Variants in MDN1 observed in about 807,000 individuals in gnomAD.
The protein encoded by MDN1 is midasin.
MDN1 carries 266 observed loss-of-function variants against 669.2 expected under a neutral mutation model. The ratio of observed to expected loss-of-function variants is 0.40; its 90% CI spans 0.36 to 0.44. The LOEUF is 0.44. Ranked by LOEUF, MDN1 falls within the 20% of genes least tolerant of loss-of-function variation. MDN1 has a pLI of 1.00. For synonymous variants in MDN1, 2,385 were observed against 2,457.1 expected (o/e 0.97, Z 0.87); for missense variants, 5,940 against 6,754.0 (o/e 0.88, Z 4.22).
At chr6:89,700,398 C>G in intron 56 of MDN1, 104 bp from the exon 57 acceptor site, 1 of 904,754 alleles carries the variant, frequency 1.1e-6, no homozygotes, top group South Asian at 1.6e-5. Context: ...TTGAGCTAAT[C>G]AGAGTTAAGC....
intron 15 of MDN1, 109 bp downstream of exon 15, chr6:89,771,452 T>C: frequency 2.2e-6 from 2 of 927,776 alleles, no homozygotes; most frequent in Non-Finnish European, 3.3e-6. Flanking sequence ...ACTCTTTTTC[T>C]ATTGCATCGA....
rs939378645 is a variant in MDN1 at position 89,694,089 on chromosome 6, G to A, written c.9866C>T (p.Ser3289Phe). The A allele has an allele frequency of 6.2e-6, 10 of 1,613,900 alleles. No individual in the cohort carries two copies. Among genetic ancestry groups the A allele is most frequent in the Non-Finnish European group, 6.8e-6 (8 of 1,179,846 alleles). ...GCTGTGTTACCTGACGTGAGGATGAGAGTAGCTGACAACGACTTCATCTTC... is the reference window on the plus strand; with the variant it reads ...GCTGTGTTACCTGACGTGAGGATGAAAGTAGCTGACAACGACTTCATCTTC... ...DLEDEVVVSY[S>F]HPHVRLLRQR... The change falls in exon 62 of 102, where the codon TCT becomes TTT. Residue 3289 changes from serine to phenylalanine, a missense_variant. Physicochemically the swap from Ser to Phe is radical, Grantham distance 155. Coordinates refer to ENST00000369393, the MANE Select transcript of MDN1 (RefSeq NM_014611.3).
chr6:89,727,503 C>T (rs1490317136), intron 37 of MDN1, among the ~76,000 whole-genome samples: 1 of 152,048 alleles, frequency 6.6e-6, no homozygotes, highest in African/African-American at 2.4e-5. Context: ...AAACATGAAG[C>T]GGTTGACGCT....
chr6:89,667,146 G>T (rs1810312794), intron 84 of MDN1, among the ~76,000 whole-genome samples: 1 of 151,886 alleles, frequency 6.6e-6, no homozygotes. Context: ...AATGTTTTTT[G>T]TGTGAACTTT....
intron 83 of MDN1, among the ~76,000 whole-genome samples, chr6:89,670,141 T>C (rs1250857390): frequency 2.4e-5 from 1 of 42,200 alleles, no homozygotes; most frequent in Non-Finnish European, 3.4e-5. Context: ...CAAAAAAACA[T>C]ATATATATAT....
rs760680670 is a variant in MDN1, at chr6:89,743,723, G to A, written c.4179-9C>T. 7 of 1,612,462 alleles carry A rather than the reference G, an allele frequency of 4.3e-6. No individual in the cohort carries two copies. Among genetic ancestry groups the A allele is most frequent in the Non-Finnish European group, 5.9e-6 (7 of 1,179,322 alleles). On this transcript the variant is annotated splice_polypyrimidine_tract_variant and intron_variant, in intron 29 of 101. Coordinates refer to ENST00000369393, the MANE Select transcript of MDN1 (RefSeq NM_014611.3). ...TAGTAGTTTTCCCACACCTGTTAGA[G>A]ATGTGCAACTGATTAACAAGGCATG...
chr6:89,775,215 G>T (rs1187139231), intron 12 of MDN1, among the ~76,000 whole-genome samples: 1 of 152,184 alleles, frequency 6.6e-6, no homozygotes, highest in Non-Finnish European at 1.5e-5. Flanking sequence ...CACAGATTTT[G>T]TTCAGGTTTG....
rs759713234 is a variant in MDN1, at chr6:89,747,370, G to T, written c.3863C>A (p.Thr1288Asn). 2.5e-6 allele frequency: 4 copies of T among 1,613,928 alleles called. No homozygotes were observed. In the Admixed American group the frequency reaches 6.7e-5, roughly 27 times the overall value. ...CTGTAGCCAGTCATACTCCTTCTCG[G>T]TCGGCTCAGCCAATCTGTATCTTTC... is the stretch of plus-strand genomic sequence containing the variant. ...WAERYRLAEPTEKEYDWLQHL... is the reference protein window; with the variant it reads ...WAERYRLAEPNEKEYDWLQHL... The change falls in exon 27 of 102, where the codon ACC becomes AAC. Residue 1288 changes from threonine to asparagine, a missense_variant. Coordinates refer to ENST00000369393, the MANE Select transcript of MDN1 (RefSeq NM_014611.3).
At chr6:89,704,598 C>A (rs944604782) in intron 53 of MDN1, among the ~76,000 whole-genome samples, 7 of 152,092 alleles carry the variant, frequency 4.6e-5, no homozygotes, top group African/African-American at 7.2e-5. Flanking sequence ...AATGAATTTT[C>A]TTTTTTTAGA....
At chr6:89,759,100 G>T in intron 17 of MDN1, 140 bp from the exon 18 acceptor site, 3 of 764,856 alleles carry the variant, frequency 3.9e-6, no homozygotes, top group Non-Finnish European at 6.1e-6. Flanking sequence ...CTGGCTGACA[G>T]CAGATAGGCA....
chr6:89,819,052 A>G (rs765067710), intron 1 of MDN1, among the ~76,000 whole-genome samples: 3 of 152,148 alleles, frequency 2.0e-5, no homozygotes, highest in Non-Finnish European at 4.4e-5. Context: ...CCACTTTCTC[A>G]CAGCGCCACA....
chr6:89,649,308 A>C (rs1422192240), intron 97 of MDN1, among the ~76,000 whole-genome samples: 1 of 152,218 alleles, frequency 6.6e-6, no homozygotes, highest in Non-Finnish European at 1.5e-5. Context: ...TATATTCCTC[A>C]CTTTTCAGAA....
At chr6:89,644,880 T>C in intron 101 of MDN1, 135 bp downstream of exon 101, 2 of 910,594 alleles carry the variant, frequency 2.2e-6, no homozygotes, top group African/African-American at 1.6e-5. Flanking sequence ...GTGCCTACAA[T>C]GGTACTTGAC....
At chr6:89,801,758 C>A (rs1438467758) in intron 2 of MDN1, among the ~76,000 whole-genome samples, 1 of 150,948 alleles carries the variant, frequency 6.6e-6, no homozygotes, top group African/African-American at 2.4e-5. Context: ...TGTGCCACTG[C>A]ACTCCAGACT....
chr6:89,796,399 T>G (rs555716103), intron 2 of MDN1, among the ~76,000 whole-genome samples: 16 of 132,778 alleles, frequency 1.2e-4, no homozygotes, highest in Non-Finnish European at 2.1e-4. Context: ...ATGGAAAATA[T>G]GTACAGACCA....
Position 89,723,082 on chromosome 6 carries a change from T to G in MDN1, c.5840A>C (p.Asn1947Thr), listed in dbSNP as rs949744495. 3 of 1,613,804 alleles carry G rather than the reference T, an allele frequency of 1.9e-6. No individual in the cohort carries two copies. The highest frequency in any genetic ancestry group is 2.5e-6 in the Non-Finnish European group (3 of 1,179,964). Residue 1947 changes from asparagine (N) to threonine (T), a missense_variant, in exon 40 of 102, where the codon AAC (asparagine) becomes ACC (threonine). Asn to Thr is a moderately conservative substitution (Grantham distance 65). Transcript: ENST00000369393. ...WGQKGGPWEF[N>T]LRDLFRWCQL... is the part of the protein sequence containing the mutation. ...ACACCAGCGGAAAAGGTCCCGGAGGTTGAATTCCCAGGGTCCTCCTTTTTG... is the reference window on the plus strand; with the variant it reads ...ACACCAGCGGAAAAGGTCCCGGAGGGTGAATTCCCAGGGTCCTCCTTTTTG...
At chr6:89,684,807 C>T (rs1357432515) in intron 71 of MDN1, 69 bp downstream of exon 71, 2 of 974,462 alleles carry the variant, frequency 2.1e-6, no homozygotes, top group African/African-American at 1.6e-5. Context: ...AAATGGATAA[C>T]AGGGTTAACG....
chr6:89,718,973 G>C lies in MDN1; in HGVS notation c.6115C>G (p.Leu2039Val). ...TGGAATGACTGGTGCAGGAGCAACA[G>C]GGGATGGCGGGACGGGTGAGGAACA... ...SCVPHPSRHP[L>V]LLLHQSFQPL... The change falls in exon 42 of 102, where the codon CTG (leucine) becomes GTG (valine). Residue 2039 changes from leucine to valine, a missense_variant. Around this residue, in one of 5 missense-constraint regions of MDN1, gnomAD observed 2,292 missense variants for 2,638.3 expected, o/e 0.87. Coordinates refer to ENST00000369393, the MANE Select transcript of MDN1 (RefSeq NM_014611.3). The C allele has an allele frequency of 6.2e-7, 1 of 1,614,180 alleles. No individual in the cohort carries two copies.
At chr6:89,750,280 T>A in intron 24 of MDN1, 74 bp downstream of exon 24, 1 of 1,427,472 alleles carries the variant, frequency 7.0e-7, no homozygotes, top group Admixed American at 2.0e-5. Flanking sequence ...TTGGAAAGGA[T>A]GAAGAATATT....
Sources: gnomAD v4.1 joint callset for allele counts (sites outside exome capture counted in the v4.1 genomes callset) on GRCh38, gnomAD v4.1.1 for gene constraint, gnomAD v4.1.1 regional missense constraint, MANE v1.5 for transcripts, NCBI Gene and HGNC (gene_info 2026-07-23, HGNC 2026-07-21) for gene names.